CECR2: variants seen among roughly 807,000 people sequenced by gnomAD.
CECR2 encodes chromatin remodeling regulator CECR2.
CECR2 carries 30 observed loss-of-function variants against 154.5 expected under a neutral mutation model. That is an observed-to-expected ratio of 0.19 (90% CI 0.15 to 0.26). The LOEUF is 0.26. Among genes scored for constraint, CECR2 ranks in the 10% least tolerant of loss-of-function variants. The pLI is 1.00. For missense variants in CECR2, 1,743 were observed against 1,829.3 expected (o/e 0.95, Z 0.86); for synonymous variants, 725 against 683.7 (o/e 1.06, Z -0.94).
rs2146164609 is a variant in CECR2, at chr22:17,552,890, G to A, written c.*50G>A. 1.3e-6 allele frequency: 2 copies of A among 1,546,032 alleles called. No individual in the cohort carries two copies. The highest frequency in any genetic ancestry group is 1.7e-6 in the Non-Finnish European group (2 of 1,144,532). Reference sequence around the variant, plus strand: ...CAATGGAAAGCTGCACACGAAGACTGGAATGTGGAGAACTGGGGAGTGCCC... The same window carrying A: ...CAATGGAAAGCTGCACACGAAGACTAGAATGTGGAGAACTGGGGAGTGCCC... On this transcript the variant is annotated 3_prime_UTR_variant, in exon 19 of 19. Coordinates refer to ENST00000262608, the MANE Select transcript of CECR2 (RefSeq NM_001290047.2).
chr22:17,466,055 G>A lies in CECR2; in HGVS notation c.127-11533G>A, dbSNP rs549363795. 4.6e-5 allele frequency among the ~76,000 whole-genome samples: 7 copies of A among 152,016 alleles called. No individual in the cohort carries two copies. In the East Asian group the frequency reaches 5.8e-4, roughly 13 times the overall value. ...TTATTATTTTGAGACAGAGTCTTGC[G>A]CCATCACGCAGGCTGGAGCGCAGTG... On this transcript the variant is annotated intron_variant, in intron 1 of 18. Coordinates refer to ENST00000262608, the MANE Select transcript of CECR2 (RefSeq NM_001290047.2).
intron 13 of CECR2, among the ~76,000 whole-genome samples, chr22:17,539,454 A>G (rs182757365): frequency 6.6e-6 from 1 of 152,212 alleles, no homozygotes; most frequent in Admixed American, 6.5e-5. Context: ...GGCGTAGTAG[A>G]TCTGCAATAT....
chr22:17,548,570 G>C lies in CECR2; in HGVS notation c.3283G>C (p.Gly1095Arg). 1 of 1,613,676 alleles carries C rather than the reference G, an allele frequency of 6.2e-7. No individual in the cohort carries two copies. Among genetic ancestry groups the C allele is most frequent in the Middle Eastern group, 1.6e-4 (1 of 6,062 alleles). ...GTTGCAGGAAACCATGCCATGCACG[G>C]GACAGAACGCAGCGACACCGCCCAG... The part of the protein sequence containing the change: ...RTLQETMPCT[G>R]QNAATPPSTD... The change falls in exon 17 of 19, where the codon GGA (glycine) becomes CGA (arginine). Residue 1095 changes from glycine (G) to arginine (R), a missense_variant. Transcript: ENST00000262608.
Position 17,478,834 on chromosome 22 carries a change from C to T in CECR2, c.221+1152C>T, listed in dbSNP as rs578010939. Among the ~76,000 whole-genome samples, 429 of 152,206 alleles carry T rather than the reference C, an allele frequency of 2.8e-3. 3 individuals are homozygous for T. Among genetic ancestry groups the T allele is most frequent in the Non-Finnish European group, 3.6e-3 (246 of 68,004 alleles). On this transcript the variant is annotated intron_variant, in intron 2 of 18. Coordinates refer to ENST00000262608, the MANE Select transcript of CECR2 (RefSeq NM_001290047.2). ...ATTGCTCGTGCACTAAGTATAATGA[C>T]TTTTCCCCCTAGAATACCCAGGTTG...
chr22:17,459,923 C>T (rs2054911270), intron 1 of CECR2, among the ~76,000 whole-genome samples: 1 of 152,196 alleles, frequency 6.6e-6, no homozygotes. Flanking sequence ...TTATGAAGGG[C>T]CACATGTATT....
At chr22:17,537,992 CAA>C (rs1339847156) in intron 10 of CECR2, among the ~76,000 whole-genome samples, 23 of 99,522 alleles carry the variant, frequency 2.3e-4, no homozygotes, top group Admixed American at 3.2e-4. Flanking sequence ...AGACTCCGTC[CAA>C]AAAAAAAAAA....
intron 1 of CECR2, among the ~76,000 whole-genome samples, chr22:17,415,957 C>T (rs1191890212): frequency 6.6e-6 from 1 of 152,134 alleles, no homozygotes; most frequent in African/African-American, 2.4e-5. Flanking sequence ...TCACCAAATC[C>T]AGAGGTCCAG....
intron 1 of CECR2, among the ~76,000 whole-genome samples, chr22:17,363,681 G>A (rs1601224914): frequency 6.6e-6 from 1 of 152,260 alleles, no homozygotes. Context: ...TGTTGCTCAG[G>A]CTGGAGTGCA....
At position 17,548,885 on chromosome 22, in the gene CECR2, ACTC is replaced by A. The variant is rs752258865; in HGVS notation, c.3601_3603del (p.Pro1201del). On this transcript the variant is annotated inframe_deletion, in exon 17 of 19. Coordinates refer to ENST00000262608, the MANE Select transcript of CECR2 (RefSeq NM_001290047.2). Reference sequence around the variant, plus strand: ...GCCTTCCTACCACCACTATCAGCGAACTCCTTACTATGCCTGTCCACAGAGCTT... The same window carrying A: ...GCCTTCCTACCACCACTATCAGCGAACTTACTATGCCTGTCCACAGAGCTT... 28 of 1,612,554 alleles carry A rather than the reference ACTC, an allele frequency of 1.7e-5. No homozygotes were observed. Among genetic ancestry groups the A allele is most frequent in the Non-Finnish European group, 2.4e-5 (28 of 1,179,192 alleles).
intron 1 of CECR2, among the ~76,000 whole-genome samples, chr22:17,438,845 G>A (rs1344484404): frequency 2.0e-5 from 3 of 151,618 alleles, no homozygotes; most frequent in South Asian, 2.1e-4. Context: ...AATTGTAATC[G>A]CTAAGAAAAA....
intron 3 of CECR2, among the ~76,000 whole-genome samples, chr22:17,498,129 G>T (rs1457529864): frequency 6.6e-6 from 1 of 152,186 alleles, no homozygotes; most frequent in African/African-American, 2.4e-5. Flanking sequence ...TGTGGCTCAC[G>T]CCTGTAATCC....
intron 14 of CECR2, 128 bp downstream of exon 14, chr22:17,540,928 T>A (rs758674485): frequency 9.7e-7 from 1 of 1,030,200 alleles, no homozygotes; most frequent in Non-Finnish European, 1.3e-6. Flanking sequence ...TCCCTGTGAG[T>A]CCTTTGTTCA....
chr22:17,489,232 C>G (rs2055481422), intron 2 of CECR2, among the ~76,000 whole-genome samples: 1 of 152,228 alleles, frequency 6.6e-6, no homozygotes, highest in Non-Finnish European at 1.5e-5. Flanking sequence ...CTCGCCCGGC[C>G]TAGTTACTTC....
At position 17,477,578 on chromosome 22, in the gene CECR2, C is replaced by G. The variant is rs1175362819; in HGVS notation, c.127-10C>G. ...TTTGATTTCTCAACTTCCCTCTCTC[C>G]CTCCCTCAGGAGTTAGAAGCCGCTC... On this transcript the variant is annotated splice_polypyrimidine_tract_variant and intron_variant, in intron 1 of 18. Coordinates refer to ENST00000262608, the MANE Select transcript of CECR2 (RefSeq NM_001290047.2). 6.3e-7 allele frequency: 1 copy of G among 1,577,932 alleles called. No homozygotes were observed. Among genetic ancestry groups the G allele is most frequent in the Non-Finnish European group, 8.7e-7 (1 of 1,147,974 alleles).
intron 1 of CECR2, among the ~76,000 whole-genome samples, chr22:17,431,116 G>A (rs961089547): frequency 6.6e-6 from 1 of 152,140 alleles, no homozygotes; most frequent in South Asian, 2.1e-4. Flanking sequence ...TCTGAATGCT[G>A]TATCTGTTTT....
rs1265872522 is a variant in CECR2, at chr22:17,555,818, G to A, written c.*2978G>A. On this transcript the variant is annotated 3_prime_UTR_variant, in exon 19 of 19. Transcript: ENST00000262608. ...TGCCGGCTCTCAGTGGTCCCCAGGA[G>A]GATGGGGATAGCTGAGATCGTGGAG... 6.6e-6 allele frequency: 1 copy of A among 152,120 alleles called. No individual in the cohort carries two copies. Among genetic ancestry groups the A allele is most frequent in the Non-Finnish European group, 1.5e-5 (1 of 68,032 alleles). 9.4% of individuals were successfully genotyped at this position (152,120 alleles called of 1,614,324 possible). A position where few individuals can be genotyped will look rare whatever the true frequency, so the allele number is the denominator to read the frequency against.
rs1027795900 is a variant in CECR2, at chr22:17,554,178, T to C, written c.*1338T>C. On this transcript the variant is annotated 3_prime_UTR_variant, in exon 19 of 19. Coordinates refer to ENST00000262608, the MANE Select transcript of CECR2 (RefSeq NM_001290047.2). ...ACTGGATTCTCCCTCGTTAGCATTCTGTATTTGATTTTAGCTGAAAGGTCA... is the reference window on the plus strand; with the variant it reads ...ACTGGATTCTCCCTCGTTAGCATTCCGTATTTGATTTTAGCTGAAAGGTCA... 5 of 152,220 alleles carry C rather than the reference T, an allele frequency of 3.3e-5. No individual in the cohort carries two copies. The highest frequency in any genetic ancestry group is 1.2e-4 in the African/African-American group (5 of 41,462). The allele number at this position is 152,220 out of a possible 1,614,324, so 9.4% of individuals were successfully genotyped here.
At chr22:17,384,315 C>T (rs186618873) in intron 1 of CECR2, among the ~76,000 whole-genome samples, 227 of 152,204 alleles carry the variant, frequency 1.5e-3, no homozygotes, top group African/African-American at 5.3e-3. Context: ...ACTTCCTGGC[C>T]TCACGCAGTT....
At chr22:17,509,536 TC>T (rs2055904472) in intron 7 of CECR2, among the ~76,000 whole-genome samples, 1 of 151,856 alleles carries the variant, frequency 6.6e-6, no homozygotes, top group Non-Finnish European at 1.5e-5. Context: ...CTCAAACGAT[TC>T]TCCTCCCTCA....
Sources: allele counts gnomAD v4.1 joint callset (sites outside exome capture counted in the v4.1 genomes callset), GRCh38; gene constraint gnomAD v4.1.1; transcripts MANE v1.5; gene names NCBI Gene and HGNC (gene_info 2026-07-23, HGNC 2026-07-21).